KANK3: variants seen among roughly 807,000 people sequenced by gnomAD.
KANK3 encodes KN motif and ankyrin repeat domains 3.
Under a neutral mutation model 65.4 loss-of-function variants are expected in KANK3, and 61 were observed. That is an observed-to-expected ratio of 0.93 (90% CI 0.76 to 1.15). The LOEUF (loss-of-function observed/expected upper bound fraction) is 1.15, where lower values mean the gene tolerates loss of function less well. KANK3 is among the 50% of genes most tolerant of loss of function. KANK3 has a pLI of 0.00. For synonymous variants in KANK3, 586 were observed against 543.3 expected (o/e 1.08, Z -1.09); for missense variants, 1,187 against 1,178.8 (o/e 1.01, Z -0.10).
intron 2 of KANK3, among the ~76,000 whole-genome samples, chr19:8,336,434 A>T (rs1215170778): frequency 4.9e-5 from 2 of 41,058 alleles, no homozygotes; most frequent in Non-Finnish European, 4.3e-5. Flanking sequence ...AGAACCTCTC[A>T]AAAAAAAAAA....
chr19:8,324,468 G>T lies in KANK3; in HGVS notation c.2363C>A (p.Ser788Ter). 6.2e-7 allele frequency: 1 copy of T among 1,608,058 alleles called. No homozygotes were observed. Among genetic ancestry groups the T allele is most frequent in the Non-Finnish European group, 8.5e-7 (1 of 1,177,378 alleles). The part of the protein sequence containing the change: ...VAALLHAHLS[S>*]GQPDTQSESP... ...GCTCACCTGGGTGTCGGGCTGGCCC[G>T]AGCTCAGGTGGGCATGTAGCAGAGC... Residue 788 changes from serine (S) to a stop codon, truncating the protein, a stop_gained, in exon 10 of 11, where the codon TCG becomes TAG. Coordinates refer to ENST00000330915, the MANE Select transcript of KANK3 (RefSeq NM_198471.3). LOFTEE classifies it low-confidence loss of function (END_TRUNC).
rs1413212056 is a variant in KANK3, at chr19:8,333,757, C to G, written c.1686G>C (p.Gln562His). 1 of 1,486,878 alleles carries G rather than the reference C, an allele frequency of 6.7e-7. No homozygotes were observed. Among genetic ancestry groups the G allele is most frequent in the East Asian group, 2.5e-5 (1 of 39,456 alleles). The allele number at this position is 1,486,878 out of a possible 1,614,324, so 92.1% of individuals were successfully genotyped here. Reference sequence around the variant, plus strand: ...TGGCTACTCCGCGGGGCCGGCTCAGCTGCCGCTGCAGCGCTACGCACGCCT... The same window carrying G: ...TGGCTACTCCGCGGGGCCGGCTCAGGTGCCGCTGCAGCGCTACGCACGCCT... ...LREACVALQR[Q>H]LSRPRGVASD... Residue 562 changes from glutamine to histidine, a missense_variant, in exon 6 of 11, where the codon CAG (glutamine) becomes CAC (histidine). Physicochemically the swap from Gln to His is conservative, Grantham distance 24 (BLOSUM62 0). Coordinates refer to ENST00000330915, the MANE Select transcript of KANK3 (RefSeq NM_198471.3). The surrounding 1 kb of genome is among the most constrained non-coding windows in gnomAD (Gnocchi z 5.0).
chr19:8,334,544 C>A lies in KANK3; in HGVS notation c.1283G>T (p.Ser428Ile), dbSNP rs1338933677. 11 of 1,602,134 alleles carry A rather than the reference C, an allele frequency of 6.9e-6. No homozygotes were observed. The highest frequency in any genetic ancestry group is 7.6e-6 in the Non-Finnish European group (9 of 1,179,408). Residue 428 changes from serine to isoleucine, a missense_variant, in exon 3 of 11, where the codon AGC becomes ATC. Coordinates refer to ENST00000330915, the MANE Select transcript of KANK3 (RefSeq NM_198471.3). ...GTCTCCGTCCATGGATCCGGGCGAG[C>A]TCTCCTGAGTCAAGGAGGGCGCCTC... ...PAEAPSLTQESSPGSMDGDRA... is the reference protein window; with the variant it reads ...PAEAPSLTQEISPGSMDGDRA...
Position 8,333,590 on chromosome 19 carries a change from C to A in KANK3, c.1719+134G>T. On this transcript the variant is annotated intron_variant, in intron 6 of 10. Coordinates refer to ENST00000330915, the MANE Select transcript of KANK3 (RefSeq NM_198471.3). The surrounding 1 kb of genome is among the most constrained non-coding windows in gnomAD (Gnocchi z 5.0). ...TCGGCGCTGTCCTGGGAAGGAGATC[C>A]CTTCGGAGAGCCTGGGGTCAGGCGA... 1.4e-6 allele frequency: 1 copy of A among 712,664 alleles called. No individual in the cohort carries two copies. The highest frequency in any genetic ancestry group is 2.2e-6 in the Non-Finnish European group (1 of 456,712). 44.1% of individuals were successfully genotyped at this position (712,664 alleles called of 1,614,324 possible). A position where few individuals can be genotyped will look rare whatever the true frequency, so the allele number is the denominator to read the frequency against.
At chr19:8,328,928 G>T (rs1970475687) in intron 7 of KANK3, among the ~76,000 whole-genome samples, 1 of 152,060 alleles carries the variant, frequency 6.6e-6, no homozygotes, top group African/African-American at 2.4e-5. Context: ...CCAGCACTTT[G>T]GGAGGCTGAG....
In KANK3 at chr19:8,322,827, AGACGAGGCAGCTTACT is replaced by A; in HGVS notation, c.2462_*11del. ...TCCCCACAGCTAGGTGTAGTGAGCC[AGACGAGGCAGCTTACT>A]GAACCTGGGGGTTCTCTCCATTGTC... On this transcript the variant is annotated stop_lost and 3_prime_UTR_variant, in exon 11 of 11. Coordinates refer to ENST00000330915, the MANE Select transcript of KANK3 (RefSeq NM_198471.3). The A allele has an allele frequency of 6.3e-7, 1 of 1,599,350 alleles. No individual in the cohort carries two copies. The highest frequency in any genetic ancestry group is 8.5e-7 in the Non-Finnish European group (1 of 1,169,676).
chr19:8,340,291 T>TATATATATATATACACACACAC (rs1472181365), intron 1 of KANK3, among the ~76,000 whole-genome samples: 1 of 92,868 alleles, frequency 1.1e-5, no homozygotes, highest in South Asian at 3.6e-4. Flanking sequence ...TATATATATA[T>TATATATATATATACACACACAC]ACACACACAC....
chr19:8,329,492 CAAA>C (rs59607185), intron 7 of KANK3, among the ~76,000 whole-genome samples: 15,055 of 49,314 alleles, frequency 0.31, 533 homozygotes, highest in East Asian at 0.37. Flanking sequence ...GACTCGGCCT[CAAA>C]AAAAAAAAAA....
Position 8,324,499 on chromosome 19 carries a change from C to T in KANK3, c.2332G>A (p.Val778Met). 1 of 1,613,158 alleles carries T rather than the reference C, an allele frequency of 6.2e-7. No individual in the cohort carries two copies. Among genetic ancestry groups the T allele is most frequent in the South Asian group, 1.1e-5 (1 of 90,938 alleles). ...AIALEAEQDE[V>M]AALLHAHLSS... ...AGGTGGGCATGTAGCAGAGCGGCCA[C>T]CTCATCCTGCTCAGCCTCCAGGGCG... The change falls in exon 10 of 11, where the codon GTG (valine) becomes ATG (methionine). Residue 778 changes from valine to methionine, a missense_variant. This residue lies in a region of KANK3 where 1,078 missense variants were observed against 1,038.2 expected (regional missense o/e 1.04). Coordinates refer to ENST00000330915, the MANE Select transcript of KANK3 (RefSeq NM_198471.3).
At position 8,324,850 on chromosome 19, in the gene KANK3, A is replaced by G; in HGVS notation, c.2083-20T>C. On this transcript the variant is annotated intron_variant, in intron 8 of 10. Transcript: ENST00000330915. ...CCCCGTCTGGGGAGTGGGGAGGAAG[A>G]GGGAACAGGCTGGGGTAGGCTCAGG... 1 of 1,605,658 alleles carries G rather than the reference A, an allele frequency of 6.2e-7. No homozygotes were observed. The highest frequency in any genetic ancestry group is 8.5e-7 in the Non-Finnish European group (1 of 1,174,618).
At position 8,335,283 on chromosome 19, in the gene KANK3, G is replaced by T; in HGVS notation, c.544C>A (p.Gln182Lys). ...ATCTGCTCGCGCACCAGCTGCAGTT[G>T]GGCAGGGCCGGGCGAAGCAGGGGCA... ...NLAPASPGPA[Q>K]LQLVREQMAA... is the part of the protein sequence containing the mutation. Residue 182 changes from glutamine to lysine, a missense_variant, in exon 3 of 11, where the codon CAA (glutamine) becomes AAA (lysine). Transcript: ENST00000330915. The T allele has an allele frequency of 8.3e-7, 1 of 1,209,790 alleles. No homozygotes were observed. Among genetic ancestry groups the T allele is most frequent in the Non-Finnish European group, 1.0e-6 (1 of 973,848 alleles). The allele number at this position is 1,209,790 out of a possible 1,614,324, so 74.9% of individuals were successfully genotyped here. A position where few individuals can be genotyped will look rare whatever the true frequency, so the allele number is the denominator to read the frequency against.
rs1179550467 is a variant in KANK3, at chr19:8,333,559, GA to G, written c.1719+164del. Among the ~76,000 whole-genome samples, 1 of 152,198 alleles carries G rather than the reference GA, an allele frequency of 6.6e-6. No homozygotes were observed. Among genetic ancestry groups the G allele is most frequent in the African/African-American group, 2.4e-5 (1 of 41,448 alleles). ...GCCGGGCCTTTTTGGGGAAACCAAG[GA>G]AAGATCGGCGCTGTCCTGGGAAGGA... On this transcript the variant is annotated intron_variant, in intron 6 of 10. Coordinates refer to ENST00000330915, the MANE Select transcript of KANK3 (RefSeq NM_198471.3). This position sits in a 1 kb window ranked among gnomAD's most constrained non-coding sequence, Gnocchi z 5.0.
At chr19:8,325,268 T>G (rs1389358182) in intron 7 of KANK3, among the ~76,000 whole-genome samples, 172 bp from the exon 8 acceptor site, 1 of 149,024 alleles carries the variant, frequency 6.7e-6, no homozygotes, top group African/African-American at 2.5e-5. Flanking sequence ...AAATACCATC[T>G]GCTCAGTGAA....
chr19:8,339,145 C>T (rs2145441544), intron 1 of KANK3, among the ~76,000 whole-genome samples: 1 of 152,172 alleles, frequency 6.6e-6, no homozygotes, highest in South Asian at 2.1e-4. Flanking sequence ...GGGAAAGTGA[C>T]TGTTTGGATG....
At chr19:8,332,558 C>T (rs1970544477) in intron 7 of KANK3, among the ~76,000 whole-genome samples, 1 of 151,624 alleles carries the variant, frequency 6.6e-6, no homozygotes, top group South Asian at 2.1e-4. Context: ...GTGGCTCAGG[C>T]CTGTAATCCC....
chr19:8,324,379 G>C (rs1001710408), intron 10 of KANK3, 70 bp downstream of exon 10: 1 of 1,373,636 alleles, frequency 7.3e-7, no homozygotes, highest in African/African-American at 1.4e-5. Flanking sequence ...GAGGCTCAGG[G>C]CATATTTACT....
In KANK3 at chr19:8,324,808, A is replaced by G; in HGVS notation, c.2105T>C (p.Leu702Pro). The part of the protein sequence containing the change: ...ASQTGQTALM[L>P]AISHGRQDMV... ...GTCCTGTCGGCCATGGCTGATGGCC[A>G]GCATGAGGGCTGTCTGCCCCGTCTG... is the stretch of plus-strand genomic sequence containing the variant. Residue 702 changes from leucine to proline, a missense_variant, in exon 9 of 11, where the codon CTG (leucine) becomes CCG (proline). Physicochemically the swap from Leu to Pro is moderately conservative, Grantham distance 98. This residue lies in a region of KANK3 where 1,078 missense variants were observed against 1,038.2 expected (regional missense o/e 1.04). Transcript: ENST00000330915. 1.9e-6 allele frequency: 3 copies of G among 1,612,992 alleles called. No homozygotes were observed. Among genetic ancestry groups the G allele is most frequent in the Non-Finnish European group, 2.5e-6 (3 of 1,179,512 alleles).
At chr19:8,331,980 CTTTTTTTTTT>C (rs1166441751) in intron 7 of KANK3, among the ~76,000 whole-genome samples, 3 of 67,892 alleles carry the variant, frequency 4.4e-5, no homozygotes, top group Admixed American at 3.9e-4. Flanking sequence ...CAAAAGGCCT[CTTTTTTTTTT>C]TTTTTTTTTT....
chr19:8,333,397 G>A lies in KANK3; in HGVS notation c.1720-167C>T, dbSNP rs547892616. Among the ~76,000 whole-genome samples the A allele has an allele frequency of 1.6e-4, 25 of 152,342 alleles. No individual in the cohort carries two copies. Among genetic ancestry groups the A allele is most frequent in the African/African-American group, 5.8e-4 (24 of 41,584 alleles). On this transcript the variant is annotated intron_variant, in intron 6 of 10. Coordinates refer to ENST00000330915, the MANE Select transcript of KANK3 (RefSeq NM_198471.3). This position sits in a 1 kb window ranked among gnomAD's most constrained non-coding sequence, Gnocchi z 5.0. ...GGAGCCATGCGAACCCAGATGGAGG[G>A]CTGGGGCCACACCCCTATCGGAGGG...
Sources: gnomAD v4.1 joint callset for allele counts (sites outside exome capture counted in the v4.1 genomes callset) on GRCh38, gnomAD v4.1.1 for gene constraint, gnomAD v4.1.1 regional missense constraint, Gnocchi (gnomAD v3.1) non-coding constraint, MANE v1.5 for transcripts, NCBI Gene and HGNC (gene_info 2026-07-23, HGNC 2026-07-21) for gene names.